The following SHANK1 variants were observed in gnomAD, a reference collection of about 807,000 sequenced individuals.
SHANK1 encodes the protein SH3 and multiple ankyrin repeat domains protein 1.
In SHANK1, 35 loss-of-function variants were observed where a neutral mutation model predicts 165.6. That is an observed-to-expected ratio of 0.21 (90% CI 0.16 to 0.28). The LOEUF (loss-of-function observed/expected upper bound fraction) is 0.28, where lower values mean the gene tolerates loss of function less well. SHANK1 is among the 10% of genes least tolerant of loss of function. SHANK1 has a pLI of 1.00. For missense variants in SHANK1, 2,681 were observed against 3,036.4 expected (o/e 0.88, Z 2.75); for synonymous variants, 1,428 against 1,384.8 (o/e 1.03, Z -0.69).
At chr19:50,663,002 T>C in intron 23 of SHANK1, 1 of 382,486 alleles carries the variant, frequency 2.6e-6, no homozygotes, top group South Asian at 2.8e-5. Context: ...GGCATTGTTC[T>C]AAGTGCTTTA....
At chr19:50,708,284 C>T (rs1253557815) in intron 8 of SHANK1, among the ~76,000 whole-genome samples, 1 of 152,128 alleles carries the variant, frequency 6.6e-6, no homozygotes, top group Non-Finnish European at 1.5e-5. Context: ...ACACTGGGGG[C>T]ACAGGGCCAG....
intron 18 of SHANK1, 84 bp from the exon 19 acceptor site, chr19:50,687,746 A>G (rs11878464): frequency 0.18 from 250,022 of 1,369,650 alleles, 24,368 homozygotes; most frequent in African/African-American, 0.27. Context: ...CCCAGGGCTC[A>G]GAGAATAGCC....
Position 50,690,691 on chromosome 19 carries a change from A to C in SHANK1, c.1965-1412T>G, listed in dbSNP as rs1314402147. Among the ~76,000 whole-genome samples, 1 of 152,008 alleles carries C rather than the reference A, an allele frequency of 6.6e-6. No individual in the cohort carries two copies. The highest frequency in any genetic ancestry group is 2.4e-5 in the African/African-American group (1 of 41,360). On this transcript the variant is annotated intron_variant, in intron 15 of 23. Coordinates refer to ENST00000293441, the MANE Select transcript of SHANK1 (RefSeq NM_016148.5). This position sits in a 1 kb window ranked among gnomAD's most constrained non-coding sequence, Gnocchi z 4.9. ...CCTGCCCCCACAAATTCAGCAAAAC[A>C]GCCGTCCTCGAATACTCCAGTATGT...
chr19:50,681,167 CT>C (rs1986167412), intron 21 of SHANK1, among the ~76,000 whole-genome samples: 1 of 151,502 alleles, frequency 6.6e-6, no homozygotes, highest in African/African-American at 2.4e-5. Flanking sequence ...ATGCAGAAAC[CT>C]CATGAAGGGG....
intron 21 of SHANK1, among the ~76,000 whole-genome samples, chr19:50,679,419 G>A (rs906945039): frequency 1.3e-5 from 2 of 152,092 alleles, no homozygotes; most frequent in Admixed American, 1.3e-4. Context: ...AGGGTGACAG[G>A]AGAGATGTCA....
At position 50,665,004 on chromosome 19, in the gene SHANK1, G is replaced by A. The variant is rs191352483; in HGVS notation, c.5768+1188C>T. Among the ~76,000 whole-genome samples, 135 of 152,194 alleles carry A rather than the reference G, an allele frequency of 8.9e-4. 1 individual carries two copies. Among genetic ancestry groups the A allele is most frequent in the African/African-American group, 3.0e-3 (125 of 41,506 alleles). The stretch of plus-strand genomic sequence containing the variant: ...GATCTTCTGACCTCATGATCCACCC[G>A]CCTCAGCCTCCCAAAGTGCTGGGAT... On this transcript the variant is annotated intron_variant, in intron 23 of 23. Transcript: ENST00000293441.
chr19:50,700,801 C>A (rs1269838026), intron 12 of SHANK1, among the ~76,000 whole-genome samples: 1 of 152,114 alleles, frequency 6.6e-6, no homozygotes, highest in African/African-American at 2.4e-5. Flanking sequence ...GCTCACCTTT[C>A]TTTTCTCCCA....
In SHANK1 at chr19:50,662,358, G is replaced by A. The variant is rs1985278746; in HGVS notation, c.6093C>T (p.Gly2031=). The change falls in exon 24 of 24, where the codon GGC becomes GGT. Residue 2031 remains glycine, a synonymous_variant. Transcript: ENST00000293441. This position sits in a 1 kb window ranked among gnomAD's most constrained non-coding sequence, Gnocchi z 7.7. Reference sequence around the variant, plus strand: ...TTGGGGAGCCACGGATGTCAAAGAGGCCTGGGTAGAGGGGTCCGGAAGGCA... The same window carrying A: ...TTGGGGAGCCACGGATGTCAAAGAGACCTGGGTAGAGGGGTCCGGAAGGCA... The part of the protein sequence containing the change: ...PILPSGPLYP[G]LFDIRGSPTG... 6.3e-7 allele frequency: 1 copy of A among 1,597,362 alleles called. No individual in the cohort carries two copies. The highest frequency in any genetic ancestry group is 1.3e-5 in the African/African-American group (1 of 74,706).
At chr19:50,674,781 G>C (rs748359357) in intron 21 of SHANK1, among the ~76,000 whole-genome samples, 5 of 152,134 alleles carry the variant, frequency 3.3e-5, no homozygotes, top group Non-Finnish European at 7.3e-5. Context: ...TACAAAAATT[G>C]CTGGGCACGG....
chr19:50,693,457 C>T (rs1195212704), intron 15 of SHANK1, among the ~76,000 whole-genome samples: 2 of 151,748 alleles, frequency 1.3e-5, no homozygotes, highest in Non-Finnish European at 2.9e-5. Flanking sequence ...CAGGAGCCCA[C>T]ACAATGCTTT....
In SHANK1 at chr19:50,718,251, G is replaced by GCCCCCT. The variant is rs1382973825; in HGVS notation, c.-44+1149_-44+1154dup. On this transcript the variant is annotated intron_variant, in intron 1 of 23. Coordinates refer to ENST00000293441, the MANE Select transcript of SHANK1 (RefSeq NM_016148.5). This position sits in a 1 kb window ranked among gnomAD's most constrained non-coding sequence, Gnocchi z 5.1. ...CCCCCACGCGCGGCAGCGCTGCGAA[G>GCCCCCT]CCCCCTCCCCCTCCAGGTACCCAGC... Among the ~76,000 whole-genome samples the GCCCCCT allele has an allele frequency of 6.6e-6, 1 of 151,232 alleles. No homozygotes were observed. The highest frequency in any genetic ancestry group is 2.4e-5 in the African/African-American group (1 of 41,114).
intron 6 of SHANK1, among the ~76,000 whole-genome samples, chr19:50,712,457 T>G (rs574955248): frequency 2.6e-5 from 4 of 151,894 alleles, no homozygotes; most frequent in Admixed American, 6.5e-5. Flanking sequence ...TACAGGTGGG[T>G]TGTTGGGGAC....
In SHANK1 at chr19:50,669,269, G is replaced by C. The variant is rs41275782; in HGVS notation, c.2691C>G (p.Asp897Glu). 0.043 allele frequency: 69,134 copies of C among 1,609,686 alleles called. 2,182 individuals carry two copies. Among genetic ancestry groups the C allele is most frequent in the African/African-American group, 0.11 (8,034 of 74,668 alleles). The change falls in exon 23 of 24, where the codon GAC becomes GAG. Residue 897 changes from aspartate to glutamate, a missense_variant. Around this residue, in one of 10 missense-constraint regions of SHANK1, gnomAD observed 206 missense variants for 216.0 expected, o/e 0.95. Coordinates refer to ENST00000293441, the MANE Select transcript of SHANK1 (RefSeq NM_016148.5). The part of the protein sequence containing the change: ...RQKSIGAAED[D>E]RPYLAPPAMK... ...TGGCTGGGGGTGCTAGGTAAGGTCT[G>C]TCATCTTCTGCCGCACCTGGGGAGA... is the stretch of plus-strand genomic sequence containing the variant.
chr19:50,677,535 C>G (rs957208645), intron 21 of SHANK1, among the ~76,000 whole-genome samples: 2 of 152,176 alleles, frequency 1.3e-5, no homozygotes, highest in Admixed American at 6.5e-5. Flanking sequence ...TGCTAGTCTC[C>G]TCTTTCAAAT....
rs537594861 is a variant in SHANK1, at chr19:50,661,317, G to A, written c.*648C>T. Among the ~76,000 whole-genome samples, 19 of 152,272 alleles carry A rather than the reference G, an allele frequency of 1.2e-4. No homozygotes were observed. The highest frequency in any genetic ancestry group is 6.5e-4 in the Admixed American group (10 of 15,306). On this transcript the variant is annotated 3_prime_UTR_variant, in exon 24 of 24. Transcript: ENST00000293441. The stretch of plus-strand genomic sequence containing the variant: ...TGGAGCGTGAGAAAGGAAATGCAGC[G>A]TGTGCGAGGAGAGCAGAGTGTATTT...
rs888447301 is a variant in SHANK1, at chr19:50,659,642, TTG to T, written c.*2321_*2322del. On this transcript the variant is annotated 3_prime_UTR_variant, in exon 24 of 24. Transcript: ENST00000293441. ...GATTTTTTTGTGTGTTCTAGGGGTT[TTG>T]TGTTTTTTTTTTCTGTTTTTTATAT... is the stretch of plus-strand genomic sequence containing the variant. 6.7e-6 allele frequency among the ~76,000 whole-genome samples: 1 copy of T among 148,666 alleles called. No homozygotes were observed. The highest frequency in any genetic ancestry group is 2.5e-5 in the African/African-American group (1 of 40,604).
intron 9 of SHANK1, 46 bp downstream of exon 9, chr19:50,704,391 T>C: frequency 6.4e-7 from 1 of 1,573,400 alleles, no homozygotes; most frequent in Non-Finnish European, 8.7e-7. Flanking sequence ...ACTGTCACCC[T>C]TTCCTTAGCC....
rs555805975 is a variant in SHANK1, at chr19:50,667,425, G to C, written c.4535C>G (p.Ser1512Trp). ...APVTSGRGPPSEDGPGVPPPS... is the reference protein window; with the variant it reads ...APVTSGRGPPWEDGPGVPPPS... Reference sequence around the variant, plus strand: ...CGGCGGGACCCCCGGCCCGTCCTCCGAGGGGGGACCCCTTCCGCTCGTCAC... The same window carrying C: ...CGGCGGGACCCCCGGCCCGTCCTCCCAGGGGGGACCCCTTCCGCTCGTCAC... Residue 1512 changes from serine to tryptophan, a missense_variant, in exon 23 of 24, where the codon TCG (serine) becomes TGG (tryptophan). Physicochemically the swap from Ser to Trp is radical, Grantham distance 177. Transcript: ENST00000293441. This position sits in a 1 kb window ranked among gnomAD's most constrained non-coding sequence, Gnocchi z 5.7. 5.9e-6 allele frequency: 9 copies of C among 1,522,488 alleles called. No individual in the cohort carries two copies. The highest frequency in any genetic ancestry group is 7.9e-6 in the Non-Finnish European group (9 of 1,142,424). 94.3% of individuals were successfully genotyped at this position (1,522,488 alleles called of 1,614,324 possible). A position where few individuals can be genotyped will look rare whatever the true frequency, so the allele number is the denominator to read the frequency against.
rs1409238599 is a variant in SHANK1, at chr19:50,666,432, C to G, written c.5528G>C (p.Gly1843Ala). Residue 1843 changes from glycine (G) to alanine (A), a missense_variant, in exon 23 of 24, where the codon GGC (glycine) becomes GCC (alanine). By Grantham distance (60) the Gly-to-Ala change is moderately conservative. Transcript: ENST00000293441. ...LPRKLLPWEEGPGPPPPPLPG... is the reference protein window; with the variant it reads ...LPRKLLPWEEAPGPPPPPLPG... The stretch of plus-strand genomic sequence containing the variant: ...CAGAGGTGGTGGCGGTGGGCCCGGG[C>G]CCTCCTCCCAGGGCAGCAGCTTCCG... The G allele has an allele frequency of 1.9e-6, 3 of 1,610,330 alleles. No individual in the cohort carries two copies. The highest frequency in any genetic ancestry group is 1.7e-6 in the Non-Finnish European group (2 of 1,178,956).
Sources: gnomAD v4.1 joint callset for allele counts (sites outside exome capture counted in the v4.1 genomes callset) on GRCh38, gnomAD v4.1.1 for gene constraint, gnomAD v4.1.1 regional missense constraint, Gnocchi (gnomAD v3.1) non-coding constraint, MANE v1.5 for transcripts, NCBI Gene and HGNC (gene_info 2026-07-23, HGNC 2026-07-21) for gene names.